The following CHRM3 variants were observed in gnomAD, a reference collection of about 807,000 sequenced individuals.
CHRM3 encodes cholinergic receptor muscarinic 3, also known as muscarinic acetylcholine receptor M3.
A neutral mutation model predicts 41.8 loss-of-function variants in CHRM3; 11 were observed. The ratio of observed to expected loss-of-function variants is 0.26; its 90% confidence interval spans 0.17 to 0.44. The LOEUF is 0.44. Among genes scored for constraint, CHRM3 ranks in the 20% least tolerant of loss-of-function variants. CHRM3 has a pLI of 1.00. For synonymous variants in CHRM3, 297 were observed against 301.4 expected, an observed-to-expected ratio of 0.99 and a Z score of 0.15; for missense variants, 571 against 745.4, an observed-to-expected ratio of 0.77 and a Z score of 2.72.
chr1:239,445,306 A>T (rs1043153280), intron 1 of CHRM3, among the ~76,000 whole-genome samples: 1 of 152,112 alleles, frequency 6.6e-6, no homozygotes, highest in Non-Finnish European at 1.5e-5. Context: ...CCTTCTTAGC[A>T]CCCTCATGAT....
intron 3 of CHRM3, among the ~76,000 whole-genome samples, chr1:239,558,238 ATG>A (rs1448186699): frequency 6.6e-6 from 1 of 152,098 alleles, no homozygotes; most frequent in Non-Finnish European, 1.5e-5. Flanking sequence ...ATGATCAGTG[ATG>A]TGTTTTTTTC....
At chr1:239,899,342 AGT>A (rs541328641) in intron 6 of CHRM3, among the ~76,000 whole-genome samples, 5 of 145,908 alleles carry the variant, frequency 3.4e-5, no homozygotes, top group East Asian at 2.0e-4. Context: ...TATTGAATTT[AGT>A]GTGTGTGTAT....
chr1:239,728,184 C>T (rs1303551197), intron 5 of CHRM3, among the ~76,000 whole-genome samples: 1 of 151,942 alleles, frequency 6.6e-6, no homozygotes, highest in East Asian at 1.9e-4. Context: ...GGAAGTGGAG[C>T]AAATATGCTT....
intron 5 of CHRM3, among the ~76,000 whole-genome samples, chr1:239,708,695 T>TTTGGCAAA (rs1192464299): frequency 6.6e-6 from 1 of 151,446 alleles, no homozygotes; most frequent in East Asian, 1.9e-4. Flanking sequence ...CCAAAGTTAC[T>TTTGGCAAA]GTTCTATTCC....
In CHRM3 at chr1:239,838,391, A is replaced by G. The variant is rs185243960; in HGVS notation, c.-20+11013A>G. ...GATGCCATCCTACACCACAAACACC[A>G]TCTGTTTTCATGCAGTTTTGGACAA... On this transcript the variant is annotated intron_variant, in intron 6 of 6. Transcript: ENST00000676153. Among the ~76,000 whole-genome samples the G allele has an allele frequency of 6.6e-4, 100 of 152,138 alleles. 1 individual carries two copies. The highest frequency in any genetic ancestry group is 4.3e-3 in the Admixed American group (65 of 15,294).
chr1:239,889,274 T>C (rs1374942095), intron 6 of CHRM3, among the ~76,000 whole-genome samples: 1 of 152,134 alleles, frequency 6.6e-6, no homozygotes, highest in Non-Finnish European at 1.5e-5. Context: ...AAAAACTGGC[T>C]AGGACTAGGT....
At chr1:239,407,042 A>C (rs1660644239) in intron 1 of CHRM3, among the ~76,000 whole-genome samples, 1 of 152,208 alleles carries the variant, frequency 6.6e-6, no homozygotes, top group South Asian at 2.1e-4. Context: ...AGGCAAAACT[A>C]ACCTTACAAG....
intron 3 of CHRM3, among the ~76,000 whole-genome samples, chr1:239,562,848 A>G (rs1032682057): frequency 6.7e-6 from 1 of 149,420 alleles, no homozygotes; most frequent in Non-Finnish European, 1.5e-5. Flanking sequence ...AGGTCGCGCC[A>G]CTGCACTCCA....
At chr1:239,424,592 T>C (rs747498828) in intron 1 of CHRM3, among the ~76,000 whole-genome samples, 1 of 152,166 alleles carries the variant, frequency 6.6e-6, no homozygotes, top group African/African-American at 2.4e-5. Flanking sequence ...TAACAGTAAA[T>C]ACACATTTGT....
At position 239,900,377 on chromosome 1, in the gene CHRM3, CTTTTTT is replaced by C. The variant is rs10567817; in HGVS notation, c.-19-7043_-19-7038del. Among the ~76,000 whole-genome samples the C allele has an allele frequency of 4.6e-5, 6 of 130,378 alleles. No homozygotes were observed. In the East Asian group the frequency reaches 1.1e-3, roughly 24 times the overall value. 85.5% of individuals were successfully genotyped at this position (130,378 alleles called of 152,430 possible). A position where few individuals can be genotyped will look rare whatever the true frequency, so the allele number is the denominator to read the frequency against. On this transcript the variant is annotated intron_variant, in intron 6 of 6. Transcript: ENST00000676153. ...TTTCTAATAAGTACTTTTAGATATT[CTTTTTT>C]TTTTTTTTTTTTGAAATCCTTATGA...
intron 4 of CHRM3, among the ~76,000 whole-genome samples, chr1:239,654,581 T>C (rs1672543939): frequency 6.6e-6 from 1 of 152,142 alleles, no homozygotes; most frequent in Non-Finnish European, 1.5e-5. Flanking sequence ...GTATTTTTAG[T>C]GGAGACGGGG....
intron 4 of CHRM3, among the ~76,000 whole-genome samples, chr1:239,672,865 G>A (rs576956724): frequency 1.3e-5 from 2 of 152,190 alleles, no homozygotes; most frequent in Non-Finnish European, 2.9e-5. Flanking sequence ...GGTGGGTAGT[G>A]CAGTTTCCCC....
rs546843373 is a variant in CHRM3, at chr1:239,814,811, CTT to C, written c.-146-12439_-146-12438del. On this transcript the variant is annotated intron_variant, in intron 5 of 6. Coordinates refer to ENST00000676153, the MANE Select transcript of CHRM3 (RefSeq NM_001375978.1). ...TTTGTTTTCTTTTTTGAGACACAGT[CTT>C]TCTCTGTCGCCCAGACTAGAGGGCA... Among the ~76,000 whole-genome samples the C allele has an allele frequency of 6.7e-3, 1,014 of 152,266 alleles. 6 individuals carry two copies. The highest frequency in any genetic ancestry group is 0.014 in the Middle Eastern group (4 of 294).
chr1:239,579,681 G>A (rs907726613), intron 3 of CHRM3, among the ~76,000 whole-genome samples: 12 of 152,062 alleles, frequency 7.9e-5, no homozygotes, highest in African/African-American at 2.9e-4. Context: ...TAATTGTTGT[G>A]CACCTCAATG....
chr1:239,439,285 A>C (rs977186788), intron 1 of CHRM3, among the ~76,000 whole-genome samples: 1 of 152,220 alleles, frequency 6.6e-6, no homozygotes, highest in African/African-American at 2.4e-5. Context: ...ATCTCCTGAC[A>C]CCTAAATCTG....
intron 1 of CHRM3, among the ~76,000 whole-genome samples, chr1:239,396,643 T>C (rs1337217459): frequency 1.3e-5 from 2 of 152,114 alleles, no homozygotes; most frequent in East Asian, 1.9e-4. Flanking sequence ...TTTTTGTTGT[T>C]TGTCTCCTTA....
intron 2 of CHRM3, among the ~76,000 whole-genome samples, chr1:239,521,635 T>C (rs978694903): frequency 5.9e-5 from 9 of 152,198 alleles, no homozygotes; most frequent in Non-Finnish European, 1.2e-4. Context: ...GCACTGGTTT[T>C]ATAGACAGGC....
At chr1:239,501,900 T>C (rs1668265321) in intron 2 of CHRM3, among the ~76,000 whole-genome samples, 1 of 151,840 alleles carries the variant, frequency 6.6e-6, no homozygotes, top group Non-Finnish European at 1.5e-5. Context: ...ACACAACCTA[T>C]CAAAACCTCT....
At chr1:239,780,700 A>G (rs1421150804) in intron 5 of CHRM3, among the ~76,000 whole-genome samples, 2 of 152,152 alleles carry the variant, frequency 1.3e-5, no homozygotes, top group Non-Finnish European at 2.9e-5. Context: ...AAGGCCACCT[A>G]GATTTTCTCC....
Sources: allele counts gnomAD v4.1 joint callset (sites outside exome capture counted in the v4.1 genomes callset), GRCh38; gene constraint gnomAD v4.1.1; transcripts MANE v1.5; gene names NCBI Gene and HGNC (gene_info 2026-07-23, HGNC 2026-07-21).